The following CIB4 variants were observed in gnomAD, a reference collection of about 807,000 sequenced individuals.
The protein encoded by CIB4 is calcium and integrin binding family member 4.
CIB4 carries 25 observed loss-of-function variants against 25.8 expected under a neutral mutation model. The observed-to-expected ratio is 0.97, with a 90% confidence interval of 0.71 to 1.35. CIB4 has a LOEUF of 1.35. Ranked by LOEUF, CIB4 falls within the 40% of genes most tolerant of loss-of-function variation. The probability of loss-of-function intolerance (pLI) is 0.00; values close to 1 mark genes in which losing one functional copy is unlikely to be tolerated. For synonymous variants in CIB4, 75 were observed against 81.4 expected (o/e 0.92, Z 0.42); for missense variants, 235 against 228.2 (o/e 1.03, Z -0.19).
At chr2:26,606,303 T>C (rs892911655) in intron 3 of CIB4, among the ~76,000 whole-genome samples, 1 of 152,134 alleles carries the variant, frequency 6.6e-6, no homozygotes, top group African/African-American at 2.4e-5. Context: ...CAAAGTGCTA[T>C]GACAAGAGCT....
At chr2:26,581,597 G>A (rs1668345015) in intron 6 of CIB4, among the ~76,000 whole-genome samples, 1 of 152,158 alleles carries the variant, frequency 6.6e-6, no homozygotes, top group African/African-American at 2.4e-5. Flanking sequence ...GCAAAGGCAG[G>A]GCACCAGAAG....
At position 26,589,120 on chromosome 2, in the gene CIB4, T is replaced by C. The variant is rs138496381; in HGVS notation, c.329-5222A>G. Reference sequence around the variant, plus strand: ...CTTCTTCTTCTTCCTCTTCTTCTTCTTCTTCTTCTTCTTCTTCTTCTCCTT... The same window carrying C: ...CTTCTTCTTCTTCCTCTTCTTCTTCCTCTTCTTCTTCTTCTTCTTCTCCTT... On this transcript the variant is annotated intron_variant, in intron 4 of 6. Transcript: ENST00000288861. 6.7e-3 allele frequency among the ~76,000 whole-genome samples: 801 copies of C among 120,014 alleles called. 110 individuals carry two copies. Among genetic ancestry groups the C allele is most frequent in the African/African-American group, 0.032 (738 of 22,932 alleles). 78.7% of individuals were successfully genotyped at this position (120,014 alleles called of 152,430 possible). A position where few individuals can be genotyped will look rare whatever the true frequency, so the allele number is the denominator to read the frequency against.
intron 2 of CIB4, among the ~76,000 whole-genome samples, chr2:26,634,941 G>A (rs149206558): frequency 3.3e-4 from 50 of 152,340 alleles, no homozygotes; most frequent in African/African-American, 1.2e-3. Context: ...GCTGACCTGC[G>A]CCTGAGACAT....
chr2:26,618,773 A>T (rs1459957897), intron 3 of CIB4, among the ~76,000 whole-genome samples: 1 of 152,172 alleles, frequency 6.6e-6, no homozygotes, highest in Non-Finnish European at 1.5e-5. Flanking sequence ...CTGGGTCCTC[A>T]TGGAGGAAGA....
intron 3 of CIB4, among the ~76,000 whole-genome samples, chr2:26,608,584 C>T (rs1372037055): frequency 6.6e-6 from 1 of 152,176 alleles, no homozygotes; most frequent in Non-Finnish European, 1.5e-5. Context: ...AGACATGACA[C>T]CAGATGCTGT....
intron 3 of CIB4, among the ~76,000 whole-genome samples, chr2:26,613,783 T>C (rs1669041136): frequency 6.6e-6 from 1 of 152,164 alleles, no homozygotes; most frequent in African/African-American, 2.4e-5. Context: ...TGTGAGGGGC[T>C]GGGGCCAGAG....
chr2:26,589,278 T>C (rs1018857329), intron 4 of CIB4, among the ~76,000 whole-genome samples: 1 of 148,550 alleles, frequency 6.7e-6, no homozygotes, highest in African/African-American at 2.5e-5. Flanking sequence ...TCCTCCTCCT[T>C]CTTTCCTCCT....
At chr2:26,618,531 C>G (rs1476719190) in intron 3 of CIB4, among the ~76,000 whole-genome samples, 2 of 152,180 alleles carry the variant, frequency 1.3e-5, no homozygotes, top group Admixed American at 1.3e-4. Context: ...AACTCCTGGG[C>G]TCAAGTAATC....
intron 4 of CIB4, among the ~76,000 whole-genome samples, chr2:26,590,559 C>T (rs551848528): frequency 1.3e-5 from 2 of 152,252 alleles, no homozygotes; most frequent in East Asian, 3.9e-4. Context: ...CTTCTCCTTT[C>T]CCTTTCTGTC....
chr2:26,589,113 CTTCT>C (rs1668532468), intron 4 of CIB4, among the ~76,000 whole-genome samples: 1 of 107,852 alleles, frequency 9.3e-6, no homozygotes, highest in African/African-American at 4.7e-5. Context: ...TCTTCCTCTT[CTTCT>C]TCTTCTTCTT....
chr2:26,607,068 A>G (rs1668902958), intron 3 of CIB4, among the ~76,000 whole-genome samples: 1 of 152,140 alleles, frequency 6.6e-6, no homozygotes, highest in Non-Finnish European at 1.5e-5. Flanking sequence ...AAACTTCCCA[A>G]AGAGCCATCT....
At chr2:26,619,510 C>T (rs544980488) in intron 3 of CIB4, among the ~76,000 whole-genome samples, 33 of 152,254 alleles carry the variant, frequency 2.2e-4, no homozygotes, top group African/African-American at 7.7e-4. Flanking sequence ...CTGGGTAAAG[C>T]GACAGGGTGA....
At chr2:26,587,362 C>T (rs1668478652) in intron 4 of CIB4, among the ~76,000 whole-genome samples, 1 of 132,684 alleles carries the variant, frequency 7.5e-6, no homozygotes, top group Non-Finnish European at 1.6e-5. Context: ...TTGACTTCTA[C>T]ATATTAGATA....
chr2:26,629,643 GC>G, intron 2 of CIB4, 137 bp from the exon 3 acceptor site: 1 of 647,386 alleles, frequency 1.5e-6, no homozygotes, highest in Non-Finnish European at 2.8e-6. Flanking sequence ...CTTGGGGTTG[GC>G]TGACACAGAA....
chr2:26,628,358 G>A (rs1184157783), intron 3 of CIB4, among the ~76,000 whole-genome samples: 2 of 152,136 alleles, frequency 1.3e-5, no homozygotes, highest in Non-Finnish European at 2.9e-5. Flanking sequence ...GTCTTAGAGT[G>A]CACATGGTCA....
chr2:26,589,598 A>G (rs944878162), intron 4 of CIB4, among the ~76,000 whole-genome samples: 2 of 152,218 alleles, frequency 1.3e-5, no homozygotes, highest in Admixed American at 1.3e-4. Flanking sequence ...CTGGGATTAC[A>G]GGTGTGAGCC....
At chr2:26,581,471 T>A in intron 6 of CIB4, 78 bp from the exon 7 acceptor site, 3 of 1,413,306 alleles carry the variant, frequency 2.1e-6, no homozygotes, top group Non-Finnish European at 3.0e-6. Flanking sequence ...ACAGTAGTCC[T>A]GGAGGCTCCC....
chr2:26,608,605 C>T (rs185859080), intron 3 of CIB4, among the ~76,000 whole-genome samples: 32 of 152,304 alleles, frequency 2.1e-4, no homozygotes, highest in Non-Finnish European at 3.5e-4. Flanking sequence ...CAGGCTGACT[C>T]CCAGGCTGCC....
intron 3 of CIB4, among the ~76,000 whole-genome samples, chr2:26,617,245 A>C (rs573175291): frequency 6.6e-6 from 1 of 152,146 alleles, no homozygotes; most frequent in African/African-American, 2.4e-5. Flanking sequence ...ATGAGCATTC[A>C]GCCAGCCCCC....
Sources: allele counts gnomAD v4.1 joint callset (sites outside exome capture counted in the v4.1 genomes callset), GRCh38; gene constraint gnomAD v4.1.1; transcripts MANE v1.5; gene names NCBI Gene and HGNC (gene_info 2026-07-23, HGNC 2026-07-21).